The following MPP7 variants were observed in gnomAD, a reference collection of about 807,000 sequenced individuals.
The protein encoded by MPP7 is MAGUK p55 subfamily member 7.
In MPP7, 60 loss-of-function variants were observed where a neutral mutation model predicts 76.5. The ratio of observed to expected loss-of-function variants is 0.78; its 90% CI spans 0.64 to 0.97. The LOEUF is 0.97. Ranked by LOEUF, MPP7 falls within the 50% of genes least tolerant of loss-of-function variation. The pLI, the probability that MPP7 is intolerant of heterozygous loss-of-function variation, is 0.00. For synonymous variants in MPP7, 237 were observed against 244.5 expected (o/e 0.97, Z 0.29); for missense variants, 641 against 694.0 (o/e 0.92, Z 0.86).
intron 1 of MPP7, among the ~76,000 whole-genome samples, chr10:28,243,993 A>G (rs1394854966): frequency 6.6e-6 from 1 of 152,238 alleles, no homozygotes; most frequent in Admixed American, 6.5e-5. Flanking sequence ...AGGCCCAAAA[A>G]TGTTGAGAAT....
In MPP7 at chr10:28,119,665, G is replaced by A. The variant is rs1834767389; in HGVS notation, c.938C>T (p.Ser313Phe). ...AACAAACTTACATGATTTCCTGTTG[G>A]AAACTTTCAGGGGCTGAACCAATAT... ...PEILVQPLKV[S>F]NRKSSGFRKS... The change falls in exon 11 of 17, where the codon TCC (serine) becomes TTC (phenylalanine). Residue 313 changes from serine (S) to phenylalanine (F), a missense_variant. By Grantham distance (155) the Ser-to-Phe change is radical (BLOSUM62 -2). Transcript: ENST00000683449. The A allele has an allele frequency of 6.2e-7, 1 of 1,613,558 alleles. No homozygotes were observed. The highest frequency in any genetic ancestry group is 8.5e-7 in the Non-Finnish European group (1 of 1,179,668).
At chr10:28,229,896 A>AAAAACT (rs1453444324) in intron 2 of MPP7, among the ~76,000 whole-genome samples, 32 of 104,698 alleles carry the variant, frequency 3.1e-4, no homozygotes, top group African/African-American at 1.3e-3. Flanking sequence ...CTCAAAAAAA[A>AAAAACT]AAAACAAAAA....
intron 2 of MPP7, among the ~76,000 whole-genome samples, chr10:28,319,464 C>T (rs1834347889): frequency 6.7e-6 from 1 of 150,108 alleles, no homozygotes; most frequent in African/African-American, 2.5e-5. Context: ...ATTGCTTGAG[C>T]CTAGGAGTTC....
intron 3 of MPP7, among the ~76,000 whole-genome samples, chr10:28,182,812 T>C (rs1837100980): frequency 6.6e-6 from 1 of 152,244 alleles, no homozygotes; most frequent in Non-Finnish European, 1.5e-5. Flanking sequence ...GTGCAGTGGC[T>C]CACGCCTGTA....
chr10:28,168,285 T>G (rs1181229595), intron 3 of MPP7, among the ~76,000 whole-genome samples: 1 of 152,124 alleles, frequency 6.6e-6, no homozygotes, highest in Non-Finnish European at 1.5e-5. Context: ...TTTCTGATGT[T>G]TTCTACCCGT....
chr10:28,329,393 C>A (rs540232850), intron 2 of MPP7, among the ~76,000 whole-genome samples: 84 of 152,110 alleles, frequency 5.5e-4, no homozygotes, highest in African/African-American at 2.0e-3. Context: ...CTTTGGGAAG[C>A]CGAGGCAGGC....
At chr10:28,294,006 C>A (rs902431866) in intron 1 of MPP7, among the ~76,000 whole-genome samples, 3 of 152,118 alleles carry the variant, frequency 2.0e-5, no homozygotes, top group African/African-American at 7.2e-5. Context: ...GAGATGAGAT[C>A]CCAAAGAATT....
At chr10:28,086,095 C>T (rs1040474995) in intron 12 of MPP7, among the ~76,000 whole-genome samples, 2 of 152,014 alleles carry the variant, frequency 1.3e-5, no homozygotes, top group Non-Finnish European at 2.9e-5. Flanking sequence ...ACAATGAGAA[C>T]ACATGGACAC....
At chr10:28,234,039 T>C (rs866176954) in intron 2 of MPP7, among the ~76,000 whole-genome samples, 2 of 152,128 alleles carry the variant, frequency 1.3e-5, no homozygotes, top group Middle Eastern at 3.2e-3. Flanking sequence ...CCAGCAGCGA[T>C]AAGCAAACCT....
chr10:28,099,977 A>T (rs1788788174), intron 11 of MPP7, among the ~76,000 whole-genome samples: 1 of 151,928 alleles, frequency 6.6e-6, no homozygotes, highest in Admixed American at 6.6e-5. Flanking sequence ...TTTAATCAGA[A>T]GATTTTTTAA....
chr10:28,128,671 G>C (rs934522676), intron 6 of MPP7, among the ~76,000 whole-genome samples: 2 of 152,134 alleles, frequency 1.3e-5, no homozygotes, highest in Non-Finnish European at 2.9e-5. Context: ...AACTAAAAGG[G>C]GTTAAGACAA....
In MPP7 at chr10:28,208,931, T is replaced by C. The variant is rs529080467; in HGVS notation, c.38-6660A>G. Among the ~76,000 whole-genome samples, 48 of 150,422 alleles carry C rather than the reference T, an allele frequency of 3.2e-4. 1 individual carries two copies. The South Asian group carries it at 9.9e-3, about 31-fold the overall frequency. The stretch of plus-strand genomic sequence containing the variant: ...TGACTGGATCATGGGGGTGGATCCC[T>C]CATGGCTTGAAGCTGTCCTCAAGAC... On this transcript the variant is annotated intron_variant, in intron 2 of 16. Coordinates refer to ENST00000683449, the MANE Select transcript of MPP7 (RefSeq NM_001318170.2).
chr10:28,283,517 AGCTTTTGTTTTTT>A lies in MPP7; in HGVS notation c.-132+19331_-132+19343del, dbSNP rs1354991404. On this transcript the variant is annotated intron_variant, in intron 1 of 16. Coordinates refer to ENST00000683449, the MANE Select transcript of MPP7 (RefSeq NM_001318170.2). ...ATACCACTCTATTAAAACATTCCAA[AGCTTTTGTTTTTT>A]GTGAGACAGAGTCTCACTCTTCCAC... Among the ~76,000 whole-genome samples, 20 of 151,800 alleles carry A rather than the reference AGCTTTTGTTTTTT, an allele frequency of 1.3e-4. 1 individual carries two copies. Among genetic ancestry groups the A allele is most frequent in the African/African-American group, 4.4e-4 (18 of 41,224 alleles).
chr10:28,201,399 T>C (rs1837767095), intron 3 of MPP7, among the ~76,000 whole-genome samples: 1 of 152,188 alleles, frequency 6.6e-6, no homozygotes, highest in South Asian at 2.1e-4. Context: ...CACTGGTTTC[T>C]ACCTCCTCAT....
At chr10:28,088,958 C>G (rs1414059257) in intron 12 of MPP7, among the ~76,000 whole-genome samples, 1 of 152,294 alleles carries the variant, frequency 6.6e-6, no homozygotes, top group African/African-American at 2.4e-5. Flanking sequence ...TCACTGCAAC[C>G]TCCACCTCCC....
chr10:28,206,226 A>G (rs1455687870), intron 2 of MPP7, among the ~76,000 whole-genome samples: 2 of 152,162 alleles, frequency 1.3e-5, no homozygotes, highest in Non-Finnish European at 2.9e-5. Flanking sequence ...TGGAGATACA[A>G]CTTATAGAAT....
At chr10:28,092,665 C>G (rs543995554) in intron 11 of MPP7, among the ~76,000 whole-genome samples, 2 of 149,964 alleles carry the variant, frequency 1.3e-5, no homozygotes, top group East Asian at 4.0e-4. Context: ...CTCTGCCTCC[C>G]AGGCTCAAGC....
chr10:28,321,798 C>T (rs1834371194), intron 2 of MPP7, among the ~76,000 whole-genome samples: 1 of 152,088 alleles, frequency 6.6e-6, no homozygotes. Flanking sequence ...GTTGGCCAGG[C>T]TGGTCTCGAA....
chr10:28,286,392 A>G (rs1325632430), intron 1 of MPP7, among the ~76,000 whole-genome samples: 1 of 152,146 alleles, frequency 6.6e-6, no homozygotes, highest in Non-Finnish European at 1.5e-5. Context: ...TTTCTTTCCT[A>G]GCGTTACTAA....
Sources: allele counts gnomAD v4.1 joint callset (sites outside exome capture counted in the v4.1 genomes callset), GRCh38; gene constraint gnomAD v4.1.1; transcripts MANE v1.5; gene names NCBI Gene and HGNC (gene_info 2026-07-23, HGNC 2026-07-21).